ASIC2: variants seen among roughly 807,000 people sequenced by gnomAD.
The protein encoded by ASIC2 is acid sensing ion channel subunit 2, also known as acid-sensing ion channel 2.
Under a neutral mutation model 57.3 loss-of-function variants are expected in ASIC2, and 25 were observed. The ratio of observed to expected loss-of-function variants is 0.44; its 90% CI spans 0.32 to 0.61. The LOEUF (loss-of-function observed/expected upper bound fraction) is 0.61, where lower values mean the gene tolerates loss of function less well. Ranked by LOEUF, ASIC2 falls within the 20% of genes least tolerant of loss-of-function variation. The pLI is 0.06. For missense variants in ASIC2, 641 were observed against 738.1 expected, an observed-to-expected ratio of 0.87 and a Z score of 1.52; for synonymous variants, 319 against 307.5, an observed-to-expected ratio of 1.04 and a Z score of -0.39.
intron 1 of ASIC2, among the ~76,000 whole-genome samples, chr17:33,968,686 G>A (rs1482060222): frequency 3.3e-5 from 5 of 152,210 alleles, no homozygotes; most frequent in Admixed American, 6.5e-5. Flanking sequence ...GTCAGGAAGC[G>A]CCCATCTGCC....
At chr17:34,057,727 C>T (rs1293572946) in intron 1 of ASIC2, among the ~76,000 whole-genome samples, 1 of 151,960 alleles carries the variant, frequency 6.6e-6, no homozygotes, top group East Asian at 1.9e-4. Flanking sequence ...TAGTGCTTGG[C>T]AATAGAAACT....
intron 1 of ASIC2, among the ~76,000 whole-genome samples, chr17:33,851,784 A>C (rs1469268682): frequency 6.6e-6 from 1 of 152,162 alleles, no homozygotes; most frequent in Non-Finnish European, 1.5e-5. Flanking sequence ...GAGGAGCATA[A>C]TCACCCATAG....
chr17:33,059,787 G>A (rs532900902), intron 3 of ASIC2, among the ~76,000 whole-genome samples: 1 of 152,318 alleles, frequency 6.6e-6, no homozygotes, highest in South Asian at 2.1e-4. Context: ...CAGTGTAAAA[G>A]TGTTCCTATT....
chr17:33,973,416 G>A (rs962249904), intron 1 of ASIC2, among the ~76,000 whole-genome samples: 1 of 152,222 alleles, frequency 6.6e-6, no homozygotes, highest in South Asian at 2.1e-4. Context: ...TGTGCTTAAA[G>A]AGCCCTGGCA....
chr17:33,747,168 C>G (rs1012609086), intron 1 of ASIC2, among the ~76,000 whole-genome samples: 1 of 150,866 alleles, frequency 6.6e-6, no homozygotes, highest in African/African-American at 2.4e-5. Flanking sequence ...CTATGATGAA[C>G]TCTCTGCTCT....
intron 1 of ASIC2, among the ~76,000 whole-genome samples, chr17:33,241,967 A>G (rs113644042): frequency 0.026 from 3,941 of 152,332 alleles, 155 homozygotes; most frequent in African/African-American, 0.084. Flanking sequence ...ACCCAATCTC[A>G]AAACACTGGA....
chr17:33,808,949 T>C, intron 1 of ASIC2, among the ~76,000 whole-genome samples: 1 of 152,256 alleles, frequency 6.6e-6, no homozygotes, highest in East Asian at 1.9e-4. Context: ...ATAATTTTAA[T>C]TTTTCAGAAT....
chr17:33,144,154 A>G (rs1904444570), intron 1 of ASIC2, among the ~76,000 whole-genome samples: 1 of 134,312 alleles, frequency 7.4e-6, no homozygotes, highest in Non-Finnish European at 1.6e-5. Context: ...AAAAACAAAC[A>G]AACAAAAAAA....
At chr17:33,251,679 A>C (rs1200242389) in intron 1 of ASIC2, among the ~76,000 whole-genome samples, 1 of 152,128 alleles carries the variant, frequency 6.6e-6, no homozygotes, top group Admixed American at 6.6e-5. Context: ...AATGTAATGA[A>C]GGTGCAAGTA....
chr17:33,140,719 T>A (rs2092384168), intron 1 of ASIC2, among the ~76,000 whole-genome samples: 1 of 152,220 alleles, frequency 6.6e-6, no homozygotes, highest in South Asian at 2.1e-4. Flanking sequence ...TTTGCTGAAT[T>A]CCCCAGAGCC....
intron 1 of ASIC2, among the ~76,000 whole-genome samples, chr17:33,583,507 A>G (rs898447874): frequency 2.0e-5 from 3 of 152,266 alleles, no homozygotes; most frequent in Admixed American, 6.5e-5. Flanking sequence ...CCCAACCATG[A>G]CCTTCCTTCC....
intron 1 of ASIC2, among the ~76,000 whole-genome samples, chr17:33,776,956 C>T (rs1911298717): frequency 6.6e-6 from 1 of 152,220 alleles, no homozygotes; most frequent in Non-Finnish European, 1.5e-5. Flanking sequence ...TCCCTCCATC[C>T]TGAGCACCGT....
At chr17:33,236,350 A>G (rs1908296515) in intron 1 of ASIC2, among the ~76,000 whole-genome samples, 1 of 150,184 alleles carries the variant, frequency 6.7e-6, no homozygotes, top group Non-Finnish European at 1.5e-5. Context: ...TCTTTTATTT[A>G]TTTATTTTTT....
chr17:33,413,856 G>A (rs896376115), intron 1 of ASIC2, among the ~76,000 whole-genome samples: 17 of 152,232 alleles, frequency 1.1e-4, no homozygotes, highest in Admixed American at 6.5e-5. Flanking sequence ...ACTGGCCCGG[G>A]TTATTTTAGG....
intron 1 of ASIC2, among the ~76,000 whole-genome samples, chr17:33,448,933 T>G (rs1174656726): frequency 6.6e-6 from 1 of 152,216 alleles, no homozygotes; most frequent in Non-Finnish European, 1.5e-5. Flanking sequence ...AGGAGACTTG[T>G]GTCAATTCTT....
At chr17:33,098,637 A>G (rs146210716) in intron 2 of ASIC2, among the ~76,000 whole-genome samples, 39 of 152,354 alleles carry the variant, frequency 2.6e-4, no homozygotes, top group Middle Eastern at 3.4e-3. Context: ...TGCAAACTTC[A>G]GCCCCTCCTG....
chr17:33,964,143 G>A (rs1465749291), intron 1 of ASIC2, among the ~76,000 whole-genome samples: 1 of 152,196 alleles, frequency 6.6e-6, no homozygotes, highest in African/African-American at 2.4e-5. Flanking sequence ...ATCTGTCCCT[G>A]GAAACCACTA....
intron 1 of ASIC2, among the ~76,000 whole-genome samples, chr17:34,111,070 A>G (rs1911256511): frequency 6.6e-6 from 1 of 152,022 alleles, no homozygotes; most frequent in Non-Finnish European, 1.5e-5. Flanking sequence ...CTAAAAATAC[A>G]AAAAAGTTAG....
chr17:33,360,322 A>C (rs1371652029), intron 1 of ASIC2, among the ~76,000 whole-genome samples: 2 of 152,224 alleles, frequency 1.3e-5, no homozygotes, highest in Non-Finnish European at 2.9e-5. Context: ...GAATGACTGA[A>C]TGTTTGCAAG....
Sources: allele counts gnomAD v4.1 joint callset (sites outside exome capture counted in the v4.1 genomes callset), GRCh38; gene constraint gnomAD v4.1.1; transcripts MANE v1.5; gene names NCBI Gene and HGNC (gene_info 2026-07-23, HGNC 2026-07-21).